SMARCC1: variants seen among roughly 807,000 people sequenced by gnomAD.
SMARCC1 encodes SWI/SNF related BAF chromatin remodeling complex subunit C1.
Under a neutral mutation model 147.4 loss-of-function variants are expected in SMARCC1, and 43 were observed. That is an observed-to-expected ratio of 0.29 (90% CI 0.23 to 0.38). The LOEUF is 0.38. Among genes scored for constraint, SMARCC1 ranks in the 10% least tolerant of loss-of-function variants. The pLI is 1.00. For synonymous variants in SMARCC1, 495 were observed against 484.4 expected (o/e 1.02, Z -0.29); for missense variants, 1,119 against 1,381.1 (o/e 0.81, Z 3.01).
intron 21 of SMARCC1, among the ~76,000 whole-genome samples, chr3:47,647,044 T>C (rs1012104960): frequency 6.6e-6 from 1 of 152,272 alleles, no homozygotes; most frequent in African/African-American, 2.4e-5. Flanking sequence ...AAGATGTTAT[T>C]TGCCTTTTCA....
chr3:47,613,385 C>CT lies in SMARCC1; in HGVS notation c.2782-3059dup, dbSNP rs200905934. Among the ~76,000 whole-genome samples the CT allele has an allele frequency of 8.6e-3, 1,213 of 141,100 alleles. 13 individuals are homozygous for CT. Among genetic ancestry groups the CT allele is most frequent in the South Asian group, 0.023 (101 of 4,434 alleles). 92.6% of individuals were successfully genotyped at this position (141,100 alleles called of 152,430 possible). Reference sequence around the variant, plus strand: ...AAACTGGAAGTAGGAGAACTTTTCTCTTTTTTTTTTTTTTTTGAGACGGAG... The same window carrying CT: ...AAACTGGAAGTAGGAGAACTTTTCTCTTTTTTTTTTTTTTTTTGAGACGGAG... On this transcript the variant is annotated intron_variant, in intron 25 of 27. Coordinates refer to ENST00000254480, the MANE Select transcript of SMARCC1 (RefSeq NM_003074.4).
At chr3:47,725,349 G>T (rs564189709) in intron 6 of SMARCC1, among the ~76,000 whole-genome samples, 1 of 151,968 alleles carries the variant, frequency 6.6e-6, no homozygotes, top group South Asian at 2.1e-4. Flanking sequence ...AACAGGTATG[G>T]GTTTATTTTT....
intron 21 of SMARCC1, among the ~76,000 whole-genome samples, chr3:47,641,721 C>T (rs1473071196): frequency 3.3e-5 from 5 of 152,046 alleles, no homozygotes; most frequent in Non-Finnish European, 7.4e-5. Context: ...TTATCTTAAA[C>T]AAGACACAAA....
intron 26 of SMARCC1, among the ~76,000 whole-genome samples, chr3:47,596,401 C>G (rs2106645838): frequency 6.6e-6 from 1 of 151,930 alleles, no homozygotes; most frequent in South Asian, 2.1e-4. Flanking sequence ...AACCCCATCT[C>G]TACTAAAAAT....
At chr3:47,736,197 A>G in intron 4 of SMARCC1, 71 bp from the exon 5 acceptor site, 1 of 796,118 alleles carries the variant, frequency 1.3e-6, no homozygotes, top group African/African-American at 1.8e-5. Flanking sequence ...TATGCAATAT[A>G]CAAACCACCC....
At chr3:47,709,661 G>A (rs998433511) in intron 9 of SMARCC1, among the ~76,000 whole-genome samples, 1 of 152,040 alleles carries the variant, frequency 6.6e-6, no homozygotes, top group Admixed American at 6.6e-5. Context: ...ATTCCAGCCT[G>A]GGCAACAGAG....
Position 47,620,152 on chromosome 3 carries a change from T to C in SMARCC1, c.2781+2055A>G, listed in dbSNP as rs555201360. 3.5e-4 allele frequency among the ~76,000 whole-genome samples: 54 copies of C among 152,318 alleles called. 2 individuals carry two copies. In the South Asian group the frequency reaches 0.011, roughly 30 times the overall value. ...CTTAGGGAGTCACTAATTCTTTATC[T>C]AGTCAACTCATTACAAAAATTTATT... On this transcript the variant is annotated intron_variant, in intron 25 of 27. Coordinates refer to ENST00000254480, the MANE Select transcript of SMARCC1 (RefSeq NM_003074.4).
intron 13 of SMARCC1, among the ~76,000 whole-genome samples, chr3:47,686,952 C>G (rs2033733205): frequency 6.6e-6 from 1 of 152,088 alleles, no homozygotes; most frequent in Non-Finnish European, 1.5e-5. Context: ...CACCACTGCC[C>G]TGCACTCCAG....
intron 11 of SMARCC1, 34 bp from the exon 12 acceptor site, chr3:47,693,334 G>T: frequency 1.6e-6 from 2 of 1,262,280 alleles, no homozygotes; most frequent in South Asian, 1.2e-5. Context: ...ATGTTTATGT[G>T]GGAAAAGTTG....
At chr3:47,759,565 G>A (rs1330664686) in intron 2 of SMARCC1, among the ~76,000 whole-genome samples, 1 of 81,842 alleles carries the variant, frequency 1.2e-5, no homozygotes, top group African/African-American at 3.4e-5. Flanking sequence ...AGATTGCAGT[G>A]AGCCAAGATT....
At chr3:47,705,879 T>C (rs949713975) in intron 10 of SMARCC1, among the ~76,000 whole-genome samples, 6 of 152,210 alleles carry the variant, frequency 3.9e-5, no homozygotes, top group African/African-American at 1.4e-4. Flanking sequence ...GCAAAGGCTT[T>C]AAAGTCTCAT....
intron 2 of SMARCC1, among the ~76,000 whole-genome samples, chr3:47,758,104 A>G (rs1297486991): frequency 2.0e-5 from 3 of 152,124 alleles, no homozygotes; most frequent in Non-Finnish European, 4.4e-5. Context: ...CTATACAGCA[A>G]CTGTTGGCAA....
chr3:47,683,677 T>C (rs865961809), intron 14 of SMARCC1, among the ~76,000 whole-genome samples: 8 of 149,674 alleles, frequency 5.3e-5, no homozygotes, highest in Admixed American at 1.3e-4. Flanking sequence ...TGAGCCGAGA[T>C]TGCGCCGCTG....
chr3:47,628,057 A>T (rs12497825), intron 24 of SMARCC1, among the ~76,000 whole-genome samples: 84,987 of 148,906 alleles, frequency 0.57, 25,024 homozygotes, highest in East Asian at 0.68. Flanking sequence ...ATATATATAT[A>T]TATTTTTTCT....
intron 12 of SMARCC1, among the ~76,000 whole-genome samples, chr3:47,691,036 C>T (rs938362247): frequency 6.6e-6 from 1 of 152,176 alleles, no homozygotes; most frequent in African/African-American, 2.4e-5. Flanking sequence ...TCTCCCATTA[C>T]TCAAATTACA....
chr3:47,781,574 TCCCGGC>T, intron 1 of SMARCC1, 23 bp downstream of exon 1: 2 of 1,483,196 alleles, frequency 1.3e-6, no homozygotes, highest in Non-Finnish European at 1.8e-6. Context: ...TCGCGTGGTC[TCCCGGC>T]CCCCACGGGC....
At position 47,706,451 on chromosome 3, in the gene SMARCC1, G is replaced by A. The variant is rs558674732; in HGVS notation, c.998C>T (p.Pro333Leu). 47 of 1,578,746 alleles carry A rather than the reference G, an allele frequency of 3.0e-5. No individual in the cohort carries two copies. The highest frequency in any genetic ancestry group is 9.5e-5 in the Admixed American group (5 of 52,730). The part of the protein sequence containing the change: ...RKRKHSPSPP[P>L]PTPTESRKKS... ...CTTCCGTGATTCTGTTGGTGTCGGA[G>A]GGGGAGGCGAAGGCGAATGTTTCCT... Residue 333 changes from proline (P) to leucine (L), a missense_variant, in exon 10 of 28, where the codon CCT becomes CTT. This residue lies in a region of SMARCC1 where 542 missense variants were observed against 611.8 expected (regional missense o/e 0.89). Transcript: ENST00000254480.
chr3:47,587,636 A>G lies in SMARCC1; in HGVS notation c.*573T>C, dbSNP rs1162056013. 2.0e-5 allele frequency: 3 copies of G among 152,708 alleles called. No homozygotes were observed. Among genetic ancestry groups the G allele is most frequent in the Non-Finnish European group, 2.9e-5 (2 of 68,130 alleles). The allele number at this position is 152,708 out of a possible 1,614,324, so 9.5% of individuals were successfully genotyped here. A position where few individuals can be genotyped will look rare whatever the true frequency, so the allele number is the denominator to read the frequency against. On this transcript the variant is annotated 3_prime_UTR_variant, in exon 28 of 28. Transcript: ENST00000254480. Reference sequence around the variant, plus strand: ...TTTTCACAAATTTGTGTGTGGCAAAAGTCTCAAACTTTACCATCAGCACCA... The same window carrying G: ...TTTTCACAAATTTGTGTGTGGCAAAGGTCTCAAACTTTACCATCAGCACCA...
chr3:47,590,054 A>T (rs2032150825), intron 27 of SMARCC1, among the ~76,000 whole-genome samples: 1 of 152,214 alleles, frequency 6.6e-6, no homozygotes, highest in South Asian at 2.1e-4. Flanking sequence ...GAAGCCGAGC[A>T]AGAGCCTATG....
Sources: gnomAD v4.1 joint callset for allele counts (sites outside exome capture counted in the v4.1 genomes callset) on GRCh38, gnomAD v4.1.1 for gene constraint, gnomAD v4.1.1 regional missense constraint, MANE v1.5 for transcripts, NCBI Gene and HGNC (gene_info 2026-07-23, HGNC 2026-07-21) for gene names.